The following SSBP3 variants were observed in gnomAD, a reference collection of about 807,000 sequenced individuals.
SSBP3 encodes the protein single stranded DNA binding protein 3.
A neutral mutation model predicts 69.6 loss-of-function variants in SSBP3; 5 were observed. The observed-to-expected ratio is 0.07, with a 90% CI of 0.04 to 0.15. The LOEUF is 0.15. Ranked by LOEUF, SSBP3 falls within the 10% of genes least tolerant of loss-of-function variation. The pLI, the probability that SSBP3 is intolerant of heterozygous loss-of-function variation, is 1.00. For missense variants in SSBP3, 312 were observed against 534.0 expected (o/e 0.58, Z 4.10); for synonymous variants, 196 against 193.4 (o/e 1.01, Z -0.11).
chr1:54,378,859 C>A (rs1647398960), intron 4 of SSBP3, among the ~76,000 whole-genome samples: 1 of 152,196 alleles, frequency 6.6e-6, no homozygotes. Flanking sequence ...GCTTTATCCT[C>A]CTCCGAGGAA....
intron 5 of SSBP3, among the ~76,000 whole-genome samples, chr1:54,276,899 G>C (rs1645298646): frequency 6.6e-6 from 1 of 152,098 alleles, no homozygotes; most frequent in Non-Finnish European, 1.5e-5. Context: ...CTCAGCCAGG[G>C]CTGCACTGCC....
At chr1:54,388,002 C>A (rs1648211603) in intron 4 of SSBP3, among the ~76,000 whole-genome samples, 1 of 152,212 alleles carries the variant, frequency 6.6e-6, no homozygotes, top group Non-Finnish European at 1.5e-5. Flanking sequence ...CAAGAAGTGG[C>A]AAACACTTAA....
chr1:54,250,393 G>C (rs1258995906), intron 9 of SSBP3, among the ~76,000 whole-genome samples: 1 of 151,922 alleles, frequency 6.6e-6, no homozygotes, highest in Admixed American at 6.6e-5. Flanking sequence ...TTCTGGGATG[G>C]AGCAGAGGGC....
intron 4 of SSBP3, among the ~76,000 whole-genome samples, chr1:54,333,738 G>C (rs1206198640): frequency 6.6e-6 from 1 of 152,166 alleles, no homozygotes; most frequent in Non-Finnish European, 1.5e-5. Flanking sequence ...TAACTGTTTA[G>C]AATGGTGCCT....
intron 4 of SSBP3, among the ~76,000 whole-genome samples, chr1:54,345,124 C>G (rs1316724906): frequency 6.6e-6 from 1 of 152,144 alleles, no homozygotes; most frequent in Admixed American, 6.5e-5. Context: ...CAAGAGTTCT[C>G]GTGCGTGGCC....
intron 4 of SSBP3, among the ~76,000 whole-genome samples, chr1:54,302,318 A>T (rs1569705193): frequency 1.4e-5 from 2 of 144,714 alleles, no homozygotes; most frequent in South Asian, 2.2e-4. Context: ...TCTGAGCATA[A>T]TTTTTTTTTT....
chr1:54,329,532 G>A lies in SSBP3; in HGVS notation c.277-48005C>T, dbSNP rs527462519. On this transcript the variant is annotated intron_variant, in intron 4 of 17. Coordinates refer to ENST00000610401, the Ensembl canonical transcript of SSBP3. ...CAGGCTGGGGCTTGCAACAACAAGA[G>A]GGCCCACTGTCAGGCCTCTGCCACC... 6.6e-5 allele frequency among the ~76,000 whole-genome samples: 10 copies of A among 152,338 alleles called. No homozygotes were observed. In the South Asian group the frequency reaches 1.9e-3, roughly 28 times the overall value.
rs1421764659 is a variant in SSBP3 at position 54,404,642 on chromosome 1, A to C, written c.130-5T>G. The stretch of plus-strand genomic sequence containing the variant: ...GATGTTTTTTTCCCATCGAATCTGG[A>C]AAGGTAAGAGCAGAAGCAGCTTAGA... On this transcript the variant is annotated splice_polypyrimidine_tract_variant and splice_region_variant and intron_variant, in intron 2 of 17. Transcript: ENST00000610401. 2 of 1,613,790 alleles carry C rather than the reference A, an allele frequency of 1.2e-6. No homozygotes were observed. The highest frequency in any genetic ancestry group is 2.2e-5 in the South Asian group (2 of 91,076).
intron 4 of SSBP3, among the ~76,000 whole-genome samples, chr1:54,381,454 C>A (rs1009964859): frequency 6.7e-6 from 1 of 149,114 alleles, no homozygotes; most frequent in Non-Finnish European, 1.5e-5. Flanking sequence ...TAGTTTATGT[C>A]CTTGTAGATT....
At chr1:54,360,918 TAA>T (rs60254245) in intron 4 of SSBP3, among the ~76,000 whole-genome samples, 25 of 137,402 alleles carry the variant, frequency 1.8e-4, no homozygotes, top group African/African-American at 1.9e-4. Flanking sequence ...TGTCTCTACT[TAA>T]AAAAAAAAAA....
intron 4 of SSBP3, among the ~76,000 whole-genome samples, chr1:54,350,140 T>C (rs956173422): frequency 2.4e-4 from 37 of 151,894 alleles, no homozygotes; most frequent in Admixed American, 1.1e-3. Flanking sequence ...CTCAGCAGAG[T>C]GACAGTGTGA....
chr1:54,401,343 T>G (rs555987547), intron 4 of SSBP3, among the ~76,000 whole-genome samples: 25 of 151,918 alleles, frequency 1.6e-4, no homozygotes, highest in Non-Finnish European at 3.2e-4. Context: ...GTACAAATCG[T>G]CTTAGCAGAT....
chr1:54,252,283 C>A (rs1039690071), intron 7 of SSBP3, among the ~76,000 whole-genome samples: 1 of 152,244 alleles, frequency 6.6e-6, no homozygotes, highest in Admixed American at 6.5e-5. Context: ...AGACACATAC[C>A]TCATTTTAGC....
chr1:54,256,713 C>A (rs1644927856), intron 7 of SSBP3, among the ~76,000 whole-genome samples: 1 of 152,162 alleles, frequency 6.6e-6, no homozygotes, highest in Admixed American at 6.5e-5. Context: ...TATTTACCAG[C>A]CTTGGCAATT....
intron 5 of SSBP3, among the ~76,000 whole-genome samples, chr1:54,279,885 A>AC (rs1381090359): frequency 6.6e-6 from 1 of 152,094 alleles, no homozygotes; most frequent in Non-Finnish European, 1.5e-5. Context: ...CTAACTCTCA[A>AC]CCCATCTTTA....
intron 4 of SSBP3, among the ~76,000 whole-genome samples, chr1:54,400,551 T>C (rs904704519): frequency 6.6e-6 from 1 of 152,228 alleles, no homozygotes; most frequent in Non-Finnish European, 1.5e-5. Flanking sequence ...TTCACTACCA[T>C]GCAAGTTTAC....
chr1:54,397,233 C>T (rs1207722453), intron 4 of SSBP3, among the ~76,000 whole-genome samples: 1 of 152,226 alleles, frequency 6.6e-6, no homozygotes, highest in Non-Finnish European at 1.5e-5. Flanking sequence ...CAGCTGCAGG[C>T]CTTCTCCACC....
intron 5 of SSBP3, among the ~76,000 whole-genome samples, chr1:54,259,828 GAGC>G (rs1446612400): frequency 6.6e-6 from 1 of 152,240 alleles, no homozygotes; most frequent in Non-Finnish European, 1.5e-5. Context: ...AAGCTCCGAG[GAGC>G]AGATGTTCCC....
At position 54,376,878 on chromosome 1, in the gene SSBP3, C is replaced by G. The variant is rs182727605; in HGVS notation, c.276+24983G>C. ...AACTGAGGCCTAGGGGTGTGGCTAC[C>G]ATCTGTCACCCTGTGACCAAGTCAT... On this transcript the variant is annotated intron_variant, in intron 4 of 17. Coordinates refer to ENST00000610401, the Ensembl canonical transcript of SSBP3. 2.6e-3 allele frequency among the ~76,000 whole-genome samples: 395 copies of G among 152,308 alleles called. 2 individuals are homozygous for G. Among genetic ancestry groups the G allele is most frequent in the African/African-American group, 9.2e-3 (382 of 41,560 alleles).
Sources: allele counts gnomAD v4.1 joint callset (sites outside exome capture counted in the v4.1 genomes callset), GRCh38; gene constraint gnomAD v4.1.1; transcripts MANE v1.5; gene names NCBI Gene and HGNC (gene_info 2026-07-23, HGNC 2026-07-21).